TENM4: variants seen among roughly 807,000 people sequenced by gnomAD.
TENM4 encodes teneurin transmembrane protein 4.
A neutral mutation model predicts 243.3 loss-of-function variants in TENM4; 82 were observed. That is an observed-to-expected ratio of 0.34 (90% CI 0.28 to 0.40). TENM4 has a LOEUF of 0.40. Ranked by LOEUF, TENM4 falls within the 10% of genes least tolerant of loss-of-function variation. The pLI, the probability that TENM4 is intolerant of heterozygous loss-of-function variation, is 1.00. For synonymous variants in TENM4, 1,412 were observed against 1,456.3 expected (o/e 0.97, Z 0.69); for missense variants, 3,138 against 3,673.3 (o/e 0.85, Z 3.77).
chr11:79,435,612 G>A (rs1859257020), intron 1 of TENM4, among the ~76,000 whole-genome samples: 1 of 152,192 alleles, frequency 6.6e-6, no homozygotes, highest in Non-Finnish European at 1.5e-5. Context: ...TGTGGGAGAA[G>A]TTACTGGGAC....
intron 28 of TENM4, among the ~76,000 whole-genome samples, chr11:78,688,798 G>C (rs147981894): frequency 6.6e-6 from 1 of 152,262 alleles, no homozygotes; most frequent in African/African-American, 2.4e-5. Flanking sequence ...CTTGCCTCTT[G>C]CAACCCCTTC....
intron 6 of TENM4, among the ~76,000 whole-genome samples, chr11:78,998,732 T>C (rs954118075): frequency 6.6e-6 from 1 of 152,120 alleles, no homozygotes; most frequent in Non-Finnish European, 1.5e-5. Context: ...CCATGGCTGG[T>C]GGCATTGTCG....
chr11:78,769,291 G>A lies in TENM4; in HGVS notation c.2539+1701C>T, dbSNP rs565654501. 1.1e-4 allele frequency among the ~76,000 whole-genome samples: 17 copies of A among 152,324 alleles called. No homozygotes were observed. The South Asian group carries it at 2.1e-3, about 19-fold the overall frequency. On this transcript the variant is annotated intron_variant, in intron 18 of 33. Transcript: ENST00000278550. ...CTTTGCCTTGTCTGAAGACATGGGTGCTTAGTGCCCTTCCCTGCTTTGTCC... is the reference window on the plus strand; with the variant it reads ...CTTTGCCTTGTCTGAAGACATGGGTACTTAGTGCCCTTCCCTGCTTTGTCC...
chr11:79,134,292 A>T lies in TENM4; in HGVS notation c.-66+14418T>A, dbSNP rs1336173584. ...TACTTAGGAATCTGCCTAACCAAGG[A>T]GTCAAAAGATCTCTACAAGGAAAAC... On this transcript the variant is annotated intron_variant, in intron 4 of 33. Coordinates refer to ENST00000278550, the MANE Select transcript of TENM4 (RefSeq NM_001098816.3). Among the ~76,000 whole-genome samples the T allele has an allele frequency of 8.5e-5, 13 of 152,190 alleles. No homozygotes were observed. The East Asian group carries it at 2.5e-3, about 29-fold the overall frequency.
rs191546159 is a variant in TENM4 at position 79,396,489 on chromosome 11, C to T, written c.-321+44020G>A. On this transcript the variant is annotated intron_variant, in intron 1 of 33. Coordinates refer to ENST00000278550, the MANE Select transcript of TENM4 (RefSeq NM_001098816.3). ...CAACAGGACCATTCTTAATAGAAGC[C>T]CTGTGATCCCCAGACCTAAATGGTC... is the stretch of plus-strand genomic sequence containing the variant. 3.5e-3 allele frequency among the ~76,000 whole-genome samples: 534 copies of T among 152,300 alleles called. 1 individual carries two copies. Among genetic ancestry groups the T allele is most frequent in the African/African-American group, 0.012 (509 of 41,562 alleles).
At chr11:78,769,218 A>G (rs1856600557) in intron 18 of TENM4, among the ~76,000 whole-genome samples, 2 of 152,218 alleles carry the variant, frequency 1.3e-5, no homozygotes, top group South Asian at 4.1e-4. Context: ...AATCATGCAG[A>G]TAATGTAGGC....
chr11:78,921,232 C>A (rs1259345362), intron 6 of TENM4, among the ~76,000 whole-genome samples: 2 of 152,206 alleles, frequency 1.3e-5, no homozygotes, highest in Non-Finnish European at 2.9e-5. Flanking sequence ...TGGGTCCCAC[C>A]TATGGCGTGA....
rs1856954482 is a variant in TENM4, at chr11:78,787,056, T to C, written c.2207A>G (p.His736Arg). 4 of 1,550,318 alleles carry C rather than the reference T, an allele frequency of 2.6e-6. No individual in the cohort carries two copies. Among genetic ancestry groups the C allele is most frequent in the African/African-American group, 2.7e-5 (2 of 73,172 alleles). ...GCAGGTGCCCCCTACGCACACGCCATGGCCACCACAGTCGGCAGCACAGAT... is the reference window on the plus strand; with the variant it reads ...GCAGGTGCCCCCTACGCACACGCCACGGCCACCACAGTCGGCAGCACAGAT... ...IEICAADCGG[H>R]GVCVGGTCRC... The change falls in exon 16 of 34, where the codon CAT becomes CGT. Residue 736 changes from histidine to arginine, a missense_variant. Around this residue, in one of 2 missense-constraint regions of TENM4, gnomAD observed 2,467 missense variants for 3,059.1 expected, o/e 0.81. Transcript: ENST00000278550.
At chr11:79,031,321 T>C (rs987062190) in intron 6 of TENM4, among the ~76,000 whole-genome samples, 2 of 151,900 alleles carry the variant, frequency 1.3e-5, no homozygotes, top group African/African-American at 4.8e-5. Context: ...GTAGATTCAA[T>C]AGGGAAAAGA....
intron 6 of TENM4, among the ~76,000 whole-genome samples, chr11:79,038,522 T>C (rs1002434576): frequency 3.3e-5 from 5 of 152,254 alleles, no homozygotes; most frequent in African/African-American, 1.2e-4. Context: ...ACTGGCCTTC[T>C]TTCTTATTTA....
At chr11:79,124,418 G>A (rs1041997985) in intron 4 of TENM4, among the ~76,000 whole-genome samples, 2 of 152,028 alleles carry the variant, frequency 1.3e-5, no homozygotes, top group African/African-American at 4.8e-5. Flanking sequence ...GACTGGCCTA[G>A]CCTCCCAGCC....
At chr11:79,099,401 G>T (rs988463501) in intron 4 of TENM4, among the ~76,000 whole-genome samples, 2 of 152,020 alleles carry the variant, frequency 1.3e-5, no homozygotes, top group Non-Finnish European at 2.9e-5. Flanking sequence ...CATGGGGAGA[G>T]GTCAGAGTCA....
intron 19 of TENM4, among the ~76,000 whole-genome samples, chr11:78,748,841 C>T (rs1162464222): frequency 1.3e-5 from 2 of 152,148 alleles, no homozygotes; most frequent in South Asian, 4.1e-4. Flanking sequence ...AGCCAGACAT[C>T]GGGCTTCTGG....
intron 4 of TENM4, among the ~76,000 whole-genome samples, chr11:79,071,938 C>G (rs116438932): frequency 6.6e-6 from 1 of 152,076 alleles, no homozygotes; most frequent in Admixed American, 6.5e-5. Flanking sequence ...TTTTGGTTCC[C>G]GATTCTCAAA....
intron 15 of TENM4, among the ~76,000 whole-genome samples, chr11:78,788,329 C>T (rs1001532893): frequency 2.6e-5 from 4 of 152,242 alleles, no homozygotes; most frequent in African/African-American, 9.6e-5. Flanking sequence ...TGCCAGACAT[C>T]CTGCCAAGCA....
chr11:79,066,207 G>T (rs1024788163), intron 5 of TENM4, among the ~76,000 whole-genome samples: 2 of 152,160 alleles, frequency 1.3e-5, no homozygotes, highest in African/African-American at 2.4e-5. Flanking sequence ...CTCTGGGAGC[G>T]CAGGAGCAGA....
chr11:79,371,793 C>T (rs990800389), intron 1 of TENM4, among the ~76,000 whole-genome samples: 16 of 152,164 alleles, frequency 1.1e-4, no homozygotes, highest in African/African-American at 3.6e-4. Context: ...ATGCACATAG[C>T]AAATATGATC....
chr11:78,934,677 A>G (rs1422902264), intron 6 of TENM4, among the ~76,000 whole-genome samples: 1 of 152,204 alleles, frequency 6.6e-6, no homozygotes, highest in East Asian at 1.9e-4. Context: ...GGATTCAGCC[A>G]TTACCTAGAG....
At chr11:79,162,091 C>T (rs923046233) in intron 3 of TENM4, among the ~76,000 whole-genome samples, 2 of 152,182 alleles carry the variant, frequency 1.3e-5, no homozygotes, top group South Asian at 4.1e-4. Context: ...CTCTCCTTGA[C>T]GGGATGGCCA....
Sources: gnomAD v4.1 joint callset for allele counts (sites outside exome capture counted in the v4.1 genomes callset) on GRCh38, gnomAD v4.1.1 for gene constraint, gnomAD v4.1.1 regional missense constraint, MANE v1.5 for transcripts, NCBI Gene and HGNC (gene_info 2026-07-23, HGNC 2026-07-21) for gene names.